NHSL2: variants seen among roughly 807,000 people sequenced by gnomAD.
NHSL2 encodes NHS like 2, also known as NHS-like protein 2.
In NHSL2, 27 loss-of-function variants were observed where a neutral mutation model predicts 53.4. The ratio of observed to expected loss-of-function variants is 0.51; its 90% CI spans 0.37 to 0.70. The LOEUF is 0.70. NHSL2 is among the 30% of genes least tolerant of loss of function. The pLI is 0.00. For synonymous variants in NHSL2, 408 were observed against 404.1 expected (o/e 1.01, Z -0.12); for missense variants, 892 against 980.1 (o/e 0.91, Z 1.20).
intron 1 of NHSL2, among the ~76,000 whole-genome samples, chrX:72,045,383 A>T (rs1238593190): frequency 9.0e-6 from 1 of 111,721 alleles, no homozygotes; most frequent in Non-Finnish European, 1.9e-5. Context: ...GAGGCTCAGG[A>T]CTAGGTGCCA....
At chrX:72,025,835 T>A (rs965648842) in intron 1 of NHSL2, among the ~76,000 whole-genome samples, 1 of 112,149 alleles carries the variant, frequency 8.9e-6, no homozygotes, top group African/African-American at 3.2e-5. Flanking sequence ...GCCAGCTGCA[T>A]GCCTGAGTTC....
chrX:72,058,268 T>A (rs1386330660), intron 1 of NHSL2, among the ~76,000 whole-genome samples: 1 of 112,778 alleles, frequency 8.9e-6, no homozygotes, highest in East Asian at 2.8e-4. Context: ...ACTTGAACTT[T>A]CAAGTGAAAA....
chrX:72,019,685 C>T (rs891594461), intron 1 of NHSL2, among the ~76,000 whole-genome samples: 4 of 111,796 alleles, frequency 3.6e-5, no homozygotes, highest in Admixed American at 1.9e-4. Context: ...AGACAAGGGC[C>T]AGATGGAGGG....
At chrX:72,137,902 T>G (rs1217506809) in intron 5 of NHSL2, among the ~76,000 whole-genome samples, 1 of 111,752 alleles carries the variant, frequency 8.9e-6, no homozygotes, top group Non-Finnish European at 1.9e-5. Context: ...CTTTGGGGAT[T>G]TGGAACATCC....
Position 72,134,213 on chromosome X carries a change from T to C in NHSL2, c.559T>C (p.Leu187=). The C allele has an allele frequency of 8.6e-7, 1 of 1,165,802 alleles. No individual in the cohort carries two copies. Among genetic ancestry groups the C allele is most frequent in the Non-Finnish European group, 1.1e-6 (1 of 871,387 alleles). The stretch of plus-strand genomic sequence containing the variant: ...GTCTGCCAGGCGTCTGGAGTTTATA[T>C]TGATGGTGAGTTGCCTCATCCCCCA... ...PQSARRLEFI[L]MPTKRQLSED... The change falls in exon 3 of 8, where the codon TTG becomes CTG. Residue 187 remains leucine, a synonymous_variant. Coordinates refer to ENST00000633930, the MANE Select transcript of NHSL2 (RefSeq NM_001013627.3).
intron 1 of NHSL2, among the ~76,000 whole-genome samples, chrX:72,038,246 C>T (rs755223684): frequency 2.7e-5 from 3 of 112,110 alleles, no homozygotes; most frequent in South Asian, 7.5e-4. Flanking sequence ...TCCCTATGCC[C>T]GCTGTGCAGG....
intron 1 of NHSL2, among the ~76,000 whole-genome samples, chrX:71,943,774 TAACAGAA>T (rs2041779794): frequency 2.7e-5 from 3 of 112,479 alleles, no homozygotes; most frequent in Admixed American, 9.4e-5. Context: ...GGCCTGAAAG[TAACAGAA>T]AACCCAACTT....
chrX:71,938,799 T>G (rs1328702076), intron 1 of NHSL2, among the ~76,000 whole-genome samples: 1 of 112,750 alleles, frequency 8.9e-6, no homozygotes, highest in Non-Finnish European at 1.9e-5. Flanking sequence ...AACATATCCT[T>G]AGCTTGAGAG....
chrX:72,108,133 A>G (rs1255092673), intron 1 of NHSL2, among the ~76,000 whole-genome samples: 1 of 112,075 alleles, frequency 8.9e-6, no homozygotes, highest in African/African-American at 3.2e-5. Context: ...TTAGGAGGTC[A>G]GATTGACAGG....
rs1015431741 is a variant in NHSL2, at chrX:71,981,776, C to T, written c.280+70409C>T. On this transcript the variant is annotated intron_variant, in intron 1 of 7. Coordinates refer to ENST00000633930, the MANE Select transcript of NHSL2 (RefSeq NM_001013627.3). ...ATTTAAATCAAACCACATGAGATCC[C>T]ACTTCCCACCCAATAGATTTGTTGT... is the stretch of plus-strand genomic sequence containing the variant. Among the ~76,000 whole-genome samples, 3 of 111,632 alleles carry T rather than the reference C, an allele frequency of 2.7e-5. No individual in the cohort carries two copies. The Admixed American group carries it at 2.9e-4, about 11-fold the overall frequency.
intron 1 of NHSL2, among the ~76,000 whole-genome samples, chrX:71,927,162 C>T (rs2041689837): frequency 8.9e-6 from 1 of 112,282 alleles, no homozygotes; most frequent in Non-Finnish European, 1.9e-5. Flanking sequence ...AGCAGTTTGT[C>T]CACAAGGAGC....
chrX:72,138,547 G>C lies in NHSL2; in HGVS notation c.999G>C (p.Gln333His). The change falls in exon 6 of 8, where the codon CAG becomes CAC. Residue 333 changes from glutamine (Q) to histidine (H), a missense_variant. Transcript: ENST00000633930. The stretch of plus-strand genomic sequence containing the variant: ...TTCATGGAAGAGTTGCAGTTGGTCA[G>C]GATGCTCGGTTCCCAAGTCTCACCT... The part of the protein sequence containing the change: ...EGVHGRVAVG[Q>H]DARFPSLTSP... The C allele has an allele frequency of 8.6e-7, 1 of 1,167,392 alleles. No individual in the cohort carries two copies. The highest frequency in any genetic ancestry group is 3.3e-5 in the East Asian group (1 of 30,756).
At chrX:72,138,062 G>A (rs964650458) in intron 5 of NHSL2, among the ~76,000 whole-genome samples, 12 of 111,575 alleles carry the variant, frequency 1.1e-4, no homozygotes, top group Non-Finnish European at 3.8e-5. Flanking sequence ...ACACCATGCC[G>A]TCCTTAGTTC....
intron 1 of NHSL2, among the ~76,000 whole-genome samples, chrX:72,120,069 T>C (rs2042170242): frequency 8.9e-6 from 1 of 112,657 alleles, no homozygotes; most frequent in Admixed American, 9.4e-5. Context: ...CACTTGGTCA[T>C]CGTGTATGAT....
intron 1 of NHSL2, among the ~76,000 whole-genome samples, chrX:72,009,438 G>A (rs1488628263): frequency 8.9e-6 from 1 of 112,925 alleles, no homozygotes; most frequent in African/African-American, 3.2e-5. Flanking sequence ...GGTACAAGCT[G>A]TGTGGAGAAG....
At chrX:71,918,360 A>ATTT (rs201663104) in intron 1 of NHSL2, among the ~76,000 whole-genome samples, 1 of 97,665 alleles carries the variant, frequency 1.0e-5, no homozygotes, top group Admixed American at 1.1e-4. Context: ...GAAAATCAGA[A>ATTT]TTTTTTTTTT....
intron 1 of NHSL2, among the ~76,000 whole-genome samples, chrX:72,098,599 AAGAG>A (rs1281109197): frequency 2.7e-5 from 3 of 110,057 alleles, no homozygotes; most frequent in African/African-American, 9.9e-5. Flanking sequence ...AAAAAAAAGA[AAGAG>A]AGAAGAAGTT....
At chrX:72,046,062 C>A (rs73635613) in intron 1 of NHSL2, among the ~76,000 whole-genome samples, 1 of 112,290 alleles carries the variant, frequency 8.9e-6, no homozygotes, top group African/African-American at 3.2e-5. Context: ...TCAAGACTGT[C>A]TCATGGAAAC....
intron 1 of NHSL2, chrX:72,130,571 T>C: frequency 8.3e-7 from 1 of 1,211,544 alleles, no homozygotes; most frequent in Non-Finnish European, 1.1e-6. Context: ...AAGATGATAT[T>C]TCGAACTCCA....
Sources: allele counts gnomAD v4.1 joint callset (sites outside exome capture counted in the v4.1 genomes callset), GRCh38; gene constraint gnomAD v4.1.1; transcripts MANE v1.5; gene names NCBI Gene and HGNC (gene_info 2026-07-23, HGNC 2026-07-21).